Variants in MTMR4 observed in about 807,000 individuals in gnomAD.
MTMR4 encodes myotubularin related protein 4.
MTMR4 carries 30 observed loss-of-function variants against 125.5 expected under a neutral mutation model. The ratio of observed to expected loss-of-function variants is 0.24; its 90% CI spans 0.18 to 0.32. The LOEUF (loss-of-function observed/expected upper bound fraction) is 0.32, where lower values mean the gene tolerates loss of function less well. MTMR4 is among the 10% of genes least tolerant of loss of function. MTMR4 has a pLI of 1.00. For missense variants in MTMR4, 1,039 were observed against 1,511.5 expected (o/e 0.69, Z 5.18); for synonymous variants, 498 against 564.5 (o/e 0.88, Z 1.67).
At chr17:58,493,508 A>G (rs1975369293) in intron 15 of MTMR4, among the ~76,000 whole-genome samples, 1 of 152,154 alleles carries the variant, frequency 6.6e-6, no homozygotes, top group African/African-American at 2.4e-5. Flanking sequence ...GTCCACCACC[A>G]TGTCCAGCTA....
upstream of MTMR4, chr17:58,516,495 G>A: frequency 6.9e-7 from 1 of 1,446,304 alleles, no homozygotes; most frequent in East Asian, 2.3e-5. Flanking sequence ...GGAGCTCAAG[G>A]TCTAGGACAG....
chr17:58,499,577 C>G (rs1339043757), intron 14 of MTMR4, among the ~76,000 whole-genome samples: 2 of 151,978 alleles, frequency 1.3e-5, no homozygotes, highest in Admixed American at 1.3e-4. Context: ...CCCCTCTCCA[C>G]TAACCTTGTT....
In MTMR4 at chr17:58,495,614, C is replaced by T. The variant is rs1382586190; in HGVS notation, c.2570G>A (p.Ser857Asn). Reference sequence around the variant, plus strand: ...ACTCAGTTGTTCCTGGTGGGAGATACTTGCCACAGACCCTGAGGGATCTTG... The same window carrying T: ...ACTCAGTTGTTCCTGGTGGGAGATATTTGCCACAGACCCTGAGGGATCTTG... ...LNQDPSGSVA[S>N]ISHQEQLSSV... is the part of the protein sequence containing the mutation. The change falls in exon 15 of 18, where the codon AGT (serine) becomes AAT (asparagine). Residue 857 changes from serine (S) to asparagine (N), a missense_variant. By Grantham distance (46) the Ser-to-Asn change is conservative (BLOSUM62 1). Around this residue, in one of 6 missense-constraint regions of MTMR4, gnomAD observed 619 missense variants for 714.5 expected, o/e 0.87. Coordinates refer to ENST00000682306, the MANE Select transcript of MTMR4 (RefSeq NM_001378067.1). 2.9e-5 allele frequency: 47 copies of T among 1,614,080 alleles called. No homozygotes were observed. The highest frequency in any genetic ancestry group is 3.9e-5 in the Non-Finnish European group (46 of 1,180,054).
upstream of MTMR4, among the ~76,000 whole-genome samples, chr17:58,518,538 A>G (rs368841110): frequency 6.6e-6 from 1 of 152,118 alleles, no homozygotes; most frequent in African/African-American, 2.4e-5. Context: ...TTGTATCGAT[A>G]AACGACCCTG....
intron 1 of MTMR4, 112 bp downstream of exon 1, chr17:58,514,251 G>T (rs1976021858): frequency 2.2e-6 from 2 of 928,708 alleles, no homozygotes; most frequent in Non-Finnish European, 2.6e-6. Context: ...CCCCCCAAAC[G>T]TTCGGGGCCG....
intron 16 of MTMR4, 100 bp from the exon 17 acceptor site, chr17:58,492,699 A>G (rs1975345871): frequency 2.2e-6 from 3 of 1,367,624 alleles, no homozygotes; most frequent in Non-Finnish European, 3.1e-6. Context: ...GACAAGGCTT[A>G]TCTTCATAAC....
At chr17:58,514,975 C>G (rs1457461466), upstream of MTMR4, 3 of 983,546 alleles carry the variant, frequency 3.1e-6, no homozygotes, top group Non-Finnish European at 3.6e-6. Context: ...TCCTTTCCCT[C>G]CAAAACCACT....
At chr17:58,498,368 TAATAA>T (rs1975526772) in intron 14 of MTMR4, among the ~76,000 whole-genome samples, 1 of 151,318 alleles carries the variant, frequency 6.6e-6, no homozygotes, top group East Asian at 1.9e-4. Context: ...TTGACAGAGA[TAATAA>T]TACCTGAGTT....
chr17:58,501,814 C>G (rs971917499), intron 14 of MTMR4, among the ~76,000 whole-genome samples: 1 of 151,980 alleles, frequency 6.6e-6, no homozygotes, highest in Non-Finnish European at 1.5e-5. Flanking sequence ...AATCCCAACA[C>G]TTTGGGAGGC....
At chr17:58,514,753 T>G (rs908442676), upstream of MTMR4, 1 of 835,282 alleles carries the variant, frequency 1.2e-6, no homozygotes, top group Non-Finnish European at 1.4e-6. Context: ...ACCCTGGGCC[T>G]CGTAGGAGGG....
upstream of MTMR4, chr17:58,516,749 C>T: frequency 1.3e-6 from 1 of 782,236 alleles, no homozygotes; most frequent in Non-Finnish European, 2.2e-6. Context: ...ACTCCAGTCT[C>T]TCCACAAGTC....
chr17:58,501,361 T>C (rs934168509), intron 14 of MTMR4, among the ~76,000 whole-genome samples: 10 of 152,040 alleles, frequency 6.6e-5, no homozygotes, highest in African/African-American at 2.4e-4. Context: ...AATTGGCACA[T>C]GCCTAATGAG....
At chr17:58,492,437 G>A in intron 17 of MTMR4, 74 bp downstream of exon 17, 1 of 1,323,522 alleles carries the variant, frequency 7.6e-7, no homozygotes. Flanking sequence ...CCAAGGTGTT[G>A]GCATTACAGG....
chr17:58,511,632 G>A, intron 3 of MTMR4, 121 bp from the exon 4 acceptor site: 1 of 751,284 alleles, frequency 1.3e-6, no homozygotes, highest in Admixed American at 2.4e-5. Flanking sequence ...CTGAGGGTCT[G>A]TTAAGCACCT....
At chr17:58,494,247 G>A (rs1209468553) in intron 15 of MTMR4, among the ~76,000 whole-genome samples, 2 of 151,190 alleles carry the variant, frequency 1.3e-5, no homozygotes, top group Admixed American at 6.6e-5. Flanking sequence ...GTGAACCCGG[G>A]AGGGCGGAGG....
chr17:58,509,147 C>T (rs1371897469), intron 4 of MTMR4, among the ~76,000 whole-genome samples: 1 of 152,056 alleles, frequency 6.6e-6, no homozygotes, highest in African/African-American at 2.4e-5. Context: ...CGTCTGCACT[C>T]CTTGTCCCTA....
At chr17:58,511,285 A>G in intron 4 of MTMR4, 144 bp downstream of exon 4, 2 of 767,684 alleles carry the variant, frequency 2.6e-6, no homozygotes, top group Non-Finnish European at 4.1e-6. Flanking sequence ...TGACCTCCCA[A>G]CCCAGAACAT....
chr17:58,498,771 T>C (rs1424876529), intron 14 of MTMR4, among the ~76,000 whole-genome samples: 2 of 152,136 alleles, frequency 1.3e-5, no homozygotes, highest in Admixed American at 6.5e-5. Context: ...TTTCCCTGTA[T>C]CTCCGCTTTC....
intron 4 of MTMR4, chr17:58,511,228 G>C (rs1975921691): frequency 3.9e-6 from 2 of 513,044 alleles, no homozygotes; most frequent in Middle Eastern, 5.0e-4. Flanking sequence ...CCATGAACTA[G>C]GCATTACCCC....
Sources: gnomAD v4.1 joint callset for allele counts (sites outside exome capture counted in the v4.1 genomes callset) on GRCh38, gnomAD v4.1.1 for gene constraint, gnomAD v4.1.1 regional missense constraint, MANE v1.5 for transcripts, NCBI Gene and HGNC (gene_info 2026-07-23, HGNC 2026-07-21) for gene names.